The following SPTBN1 variants were observed in gnomAD, a reference collection of about 807,000 sequenced individuals.
The protein encoded by SPTBN1 is spectrin beta, non-erythrocytic 1.
Under a neutral mutation model 266.4 loss-of-function variants are expected in SPTBN1, and 32 were observed. That is an observed-to-expected ratio of 0.12 (90% CI 0.09 to 0.16). SPTBN1 has a LOEUF of 0.16. Ranked by LOEUF, SPTBN1 falls within the 10% of genes least tolerant of loss-of-function variation. The probability of loss-of-function intolerance (pLI) is 1.00; values close to 1 mark genes in which losing one functional copy is unlikely to be tolerated. For missense variants in SPTBN1, 2,296 were observed against 3,067.1 expected (o/e 0.75, Z 5.94); for synonymous variants, 1,336 against 1,162.2 (o/e 1.15, Z -3.04).
chr2:54,496,874 G>C (rs746285127), intron 1 of SPTBN1, among the ~76,000 whole-genome samples: 14 of 152,178 alleles, frequency 9.2e-5, no homozygotes, highest in Non-Finnish European at 1.5e-4. Flanking sequence ...ATTGGACAAG[G>C]TTATAATGAT....
chr2:54,659,242 A>G lies in SPTBN1; in HGVS notation c.6332A>G (p.Glu2111Gly). 1 of 1,614,064 alleles carries G rather than the reference A, an allele frequency of 6.2e-7. No homozygotes were observed. Among genetic ancestry groups the G allele is most frequent in the Non-Finnish European group, 8.5e-7 (1 of 1,179,998 alleles). Residue 2111 changes from glutamate to glycine, a missense_variant, in exon 31 of 36, where the codon GAG (glutamate) becomes GGG (glycine). Physicochemically the swap from Glu to Gly is moderately conservative, Grantham distance 98. Around this residue, in one of 12 missense-constraint regions of SPTBN1, gnomAD observed 347 missense variants for 368.5 expected, o/e 0.94. Transcript: ENST00000356805. ...CCCGAGCCGAGCACGAAGGTTTCAG[A>G]GGAAGCCGAGTCCCAGCAGCAGTGG... is the stretch of plus-strand genomic sequence containing the variant. ...PSPEPSTKVS[E>G]EAESQQQWDT...
chr2:54,638,680 GAAT>G (rs1679324178), intron 18 of SPTBN1, among the ~76,000 whole-genome samples: 1 of 152,152 alleles, frequency 6.6e-6, no homozygotes, highest in African/African-American at 2.4e-5. Context: ...GTCTGCCGGA[GAAT>G]AACAGACTCA....
At chr2:54,658,476 T>G (rs187624884) in intron 30 of SPTBN1, among the ~76,000 whole-genome samples, 10 of 152,316 alleles carry the variant, frequency 6.6e-5, no homozygotes, top group African/African-American at 1.9e-4. Context: ...TCCCCTCTTC[T>G]GTCAACATAA....
At chr2:54,496,016 A>G (rs2104065417) in intron 1 of SPTBN1, among the ~76,000 whole-genome samples, 1 of 152,318 alleles carries the variant, frequency 6.6e-6, no homozygotes, top group Middle Eastern at 3.4e-3. Flanking sequence ...ACATGGGCTT[A>G]TACAGTAGTT....
At chr2:54,531,382 A>G (rs1270281053) in intron 2 of SPTBN1, among the ~76,000 whole-genome samples, 1 of 152,190 alleles carries the variant, frequency 6.6e-6, no homozygotes, top group African/African-American at 2.4e-5. Flanking sequence ...GATATTTCAC[A>G]GGGGAGATAG....
At chr2:54,615,973 G>T (rs1677579100) in intron 4 of SPTBN1, among the ~76,000 whole-genome samples, 1 of 152,202 alleles carries the variant, frequency 6.6e-6, no homozygotes, top group Non-Finnish European at 1.5e-5. Context: ...CCTCTGATAG[G>T]TGCTGGGAAG....
At chr2:54,634,528 A>G (rs983543613) in intron 17 of SPTBN1, among the ~76,000 whole-genome samples, 2 of 152,330 alleles carry the variant, frequency 1.3e-5, no homozygotes, top group African/African-American at 2.4e-5. Flanking sequence ...ATTTTTCTCC[A>G]TTGATGTTAA....
At position 54,629,640 on chromosome 2, in the gene SPTBN1, G is replaced by A; in HGVS notation, c.2506G>A (p.Glu836Lys). 6.2e-7 allele frequency: 1 copy of A among 1,613,944 alleles called. No homozygotes were observed. Among genetic ancestry groups the A allele is most frequent in the Non-Finnish European group, 8.5e-7 (1 of 1,179,976 alleles). Residue 836 changes from glutamate (E) to lysine (K), a missense_variant, in exon 14 of 36, where the codon GAG (glutamate) becomes AAG (lysine). Glu to Lys is a moderately conservative substitution (Grantham distance 56). Around this residue, in one of 12 missense-constraint regions of SPTBN1, gnomAD observed 434 missense variants for 573.9 expected, o/e 0.76. Transcript: ENST00000356805. ...GIEERYKEVAELTRLRKQALQ... is the reference protein window; with the variant it reads ...GIEERYKEVAKLTRLRKQALQ... Reference sequence around the variant, plus strand: ...CGAGGAGCGGTATAAGGAGGTGGCAGAGCTGACGCGGCTGCGGAAGCAGGC... The same window carrying A: ...CGAGGAGCGGTATAAGGAGGTGGCAAAGCTGACGCGGCTGCGGAAGCAGGC...
rs1668118162 is a variant in SPTBN1, at chr2:54,481,780, C to T, written c.-48+25262C>T. 2.6e-5 allele frequency among the ~76,000 whole-genome samples: 4 copies of T among 152,088 alleles called. No individual in the cohort carries two copies. The South Asian group carries it at 8.3e-4, about 31-fold the overall frequency. Reference sequence around the variant, plus strand: ...GATGGGTTAGCCAAGGGAAGGAATCCAATTAAAGCTGTTTGTTCGGAGTAC... The same window carrying T: ...GATGGGTTAGCCAAGGGAAGGAATCTAATTAAAGCTGTTTGTTCGGAGTAC... On this transcript the variant is annotated intron_variant, in intron 1 of 35. Coordinates refer to ENST00000356805, the MANE Select transcript of SPTBN1 (RefSeq NM_003128.3).
At chr2:54,574,351 A>G (rs914841264) in intron 2 of SPTBN1, among the ~76,000 whole-genome samples, 1 of 151,948 alleles carries the variant, frequency 6.6e-6, no homozygotes, top group African/African-American at 2.4e-5. Flanking sequence ...ATTACCTCAC[A>G]CTGCTTCTCC....
At chr2:54,578,091 T>C (rs1674612000) in intron 2 of SPTBN1, among the ~76,000 whole-genome samples, 1 of 152,206 alleles carries the variant, frequency 6.6e-6, no homozygotes, top group Non-Finnish European at 1.5e-5. Context: ...CAGACTCTCT[T>C]GATCTGTATT....
At chr2:54,660,402 A>C (rs1208273192) in intron 32 of SPTBN1, 3 of 1,108,610 alleles carry the variant, frequency 2.7e-6, no homozygotes, top group Non-Finnish European at 3.3e-6. Context: ...CTAGAATCTA[A>C]CAGGTATGAC....
intron 2 of SPTBN1, among the ~76,000 whole-genome samples, chr2:54,589,560 G>C (rs961097327): frequency 6.6e-6 from 1 of 152,214 alleles, no homozygotes; most frequent in Admixed American, 6.5e-5. Flanking sequence ...CATGCATTTA[G>C]AGCAAATATT....
chr2:54,503,668 C>G (rs1049052192), intron 1 of SPTBN1, among the ~76,000 whole-genome samples: 15 of 152,170 alleles, frequency 9.9e-5, no homozygotes, highest in African/African-American at 3.1e-4. Context: ...CAACTCTTTT[C>G]GAGTAACACA....
At chr2:54,548,529 G>C (rs1032903828) in intron 2 of SPTBN1, among the ~76,000 whole-genome samples, 7 of 152,198 alleles carry the variant, frequency 4.6e-5, no homozygotes, top group African/African-American at 1.4e-4. Context: ...AGTTTTCCCT[G>C]ATTCCAAGCC....
At chr2:54,650,902 G>C (rs112454037) in intron 26 of SPTBN1, among the ~76,000 whole-genome samples, 11 of 152,248 alleles carry the variant, frequency 7.2e-5, no homozygotes, top group African/African-American at 2.6e-4. Flanking sequence ...AATAGCTTTG[G>C]TATACTTTGG....
chr2:54,505,899 C>T (rs1349809407), intron 1 of SPTBN1, among the ~76,000 whole-genome samples: 4 of 151,810 alleles, frequency 2.6e-5, no homozygotes, highest in Non-Finnish European at 2.9e-5. Flanking sequence ...CTGAGGCGGG[C>T]GGATCTCGAG....
chr2:54,645,856 C>T lies in SPTBN1; in HGVS notation c.4495-72C>T. The T allele has an allele frequency of 6.5e-7, 1 of 1,536,288 alleles. No individual in the cohort carries two copies. On this transcript the variant is annotated intron_variant, in intron 21 of 35. Coordinates refer to ENST00000356805, the MANE Select transcript of SPTBN1 (RefSeq NM_003128.3). The surrounding 1 kb of genome is among the most constrained non-coding windows in gnomAD (Gnocchi z 4.3). The stretch of plus-strand genomic sequence containing the variant: ...CTCACCCTTGCTGTCCCTCACTGCC[C>T]CTCACTGCTCGTTTGTGTCGTATAT...
Position 54,533,932 on chromosome 2 carries a change from G to GCATACAAA in SPTBN1, c.148+7368_148+7369insTACAAACA, listed in dbSNP as rs1558814543. On this transcript the variant is annotated intron_variant, in intron 2 of 35. Coordinates refer to ENST00000356805, the MANE Select transcript of SPTBN1 (RefSeq NM_003128.3). This position sits in a 1 kb window ranked among gnomAD's most constrained non-coding sequence, Gnocchi z 4.2. The stretch of plus-strand genomic sequence containing the variant: ...CACACACACACACACACACACGCAC[G>GCATACAAA]CACGCACACAAACACACACACCCCA... Among the ~76,000 whole-genome samples, 2 of 147,828 alleles carry GCATACAAA rather than the reference G, an allele frequency of 1.4e-5. No homozygotes were observed. Among genetic ancestry groups the GCATACAAA allele is most frequent in the Non-Finnish European group, 3.0e-5 (2 of 66,950 alleles).
Sources: gnomAD v4.1 joint callset for allele counts (sites outside exome capture counted in the v4.1 genomes callset) on GRCh38, gnomAD v4.1.1 for gene constraint, gnomAD v4.1.1 regional missense constraint, Gnocchi (gnomAD v3.1) non-coding constraint, MANE v1.5 for transcripts, NCBI Gene and HGNC (gene_info 2026-07-23, HGNC 2026-07-21) for gene names.